Variants in SLC6A15 observed in about 807,000 individuals in gnomAD.
The protein encoded by SLC6A15 is solute carrier family 6 member 15.
SLC6A15 carries 33 observed loss-of-function variants against 68.5 expected under a neutral mutation model. That is an observed-to-expected ratio of 0.48 (90% CI 0.37 to 0.64). The LOEUF (loss-of-function observed/expected upper bound fraction) is 0.64. Ranked by LOEUF, SLC6A15 falls within the 30% of genes least tolerant of loss-of-function variation. The pLI is 0.00. For synonymous variants in SLC6A15, 347 were observed against 301.0 expected (o/e 1.15, Z -1.58); for missense variants, 747 against 874.3 (o/e 0.85, Z 1.84).
chr12:84,893,293 G>C (rs1872500908), intron 1 of SLC6A15, among the ~76,000 whole-genome samples: 1 of 152,138 alleles, frequency 6.6e-6, no homozygotes, highest in African/African-American at 2.4e-5. Flanking sequence ...AGCATAAATG[G>C]AGTGAGGTCA....
intron 3 of SLC6A15, 55 bp downstream of exon 3, chr12:84,885,856 A>T: frequency 5.4e-6 from 8 of 1,475,194 alleles, no homozygotes; most frequent in African/African-American, 1.4e-5. Context: ...AATGTTAATT[A>T]TATAATTTGA....
chr12:84,862,126 A>T, intron 11 of SLC6A15, 120 bp from the exon 12 acceptor site: 1 of 1,007,482 alleles, frequency 9.9e-7, no homozygotes, highest in Non-Finnish European at 1.4e-6. Context: ...ACTTGCTTTG[A>T]CCAATAGAAA....
intron 10 of SLC6A15, among the ~76,000 whole-genome samples, chr12:84,865,908 A>G (rs1272327907): frequency 6.6e-6 from 1 of 152,192 alleles, no homozygotes; most frequent in East Asian, 1.9e-4. Context: ...CACGTGCAGA[A>G]TTTTAAGTGG....
chr12:84,891,827 C>G lies in SLC6A15; in HGVS notation c.289+5G>C. On this transcript the variant is annotated splice_donor_5th_base_variant and intron_variant, in intron 2 of 11. Coordinates refer to ENST00000266682, the MANE Select transcript of SLC6A15 (RefSeq NM_182767.6). ...AGTAATTTATCACTTAAAAAGATTA[C>G]TTACCGCCCCCATTCTTCTGACATA... 1 of 1,607,010 alleles carries G rather than the reference C, an allele frequency of 6.2e-7. No homozygotes were observed. Among genetic ancestry groups the G allele is most frequent in the Non-Finnish European group, 8.5e-7 (1 of 1,175,788 alleles).
At chr12:84,872,388 T>G (rs1871324034) in intron 8 of SLC6A15, among the ~76,000 whole-genome samples, 1 of 152,132 alleles carries the variant, frequency 6.6e-6, no homozygotes, top group Non-Finnish European at 1.5e-5. Flanking sequence ...GAAATAACTT[T>G]TTAAAATAAA....
At chr12:84,894,240 G>A (rs563554325) in intron 1 of SLC6A15, among the ~76,000 whole-genome samples, 10 of 152,186 alleles carry the variant, frequency 6.6e-5, no homozygotes, top group African/African-American at 2.4e-4. Flanking sequence ...AAAAAATTGT[G>A]ATTTGTAAGA....
chr12:84,866,892 G>T, intron 10 of SLC6A15, 142 bp downstream of exon 10: 1 of 634,074 alleles, frequency 1.6e-6, no homozygotes, highest in Non-Finnish European at 2.5e-6. Flanking sequence ...TGTTGAATCA[G>T]TGAGAGCCTG....
chr12:84,881,415 G>A, intron 5 of SLC6A15: 18 of 979,640 alleles, frequency 1.8e-5, no homozygotes, highest in Non-Finnish European at 2.2e-5. Flanking sequence ...TCTTCTTTTG[G>A]TTTAACTATT....
At chr12:84,907,334 G>C (rs1363014248) in intron 1 of SLC6A15, among the ~76,000 whole-genome samples, 3 of 151,340 alleles carry the variant, frequency 2.0e-5, no homozygotes, top group African/African-American at 7.3e-5. Flanking sequence ...GGCCACAGAG[G>C]GAGACTCCGT....
chr12:84,876,042 T>C (rs887223361), intron 6 of SLC6A15, among the ~76,000 whole-genome samples: 7 of 151,606 alleles, frequency 4.6e-5, no homozygotes, highest in Non-Finnish European at 7.4e-5. Flanking sequence ...CCATGGATTC[T>C]AGATGATCAG....
At chr12:84,906,900 C>T (rs930940524) in intron 1 of SLC6A15, among the ~76,000 whole-genome samples, 1 of 151,318 alleles carries the variant, frequency 6.6e-6, no homozygotes, top group East Asian at 1.9e-4. Context: ...AAGCAGGATT[C>T]AGAAACACAA....
Position 84,861,627 on chromosome 12 carries a change from C to A in SLC6A15, c.*5G>T. ...CCAAATAAAACCCACTGACTTTTCCCCCAGCTACAAATCAGATTCTGGCAT... is the reference window on the plus strand; with the variant it reads ...CCAAATAAAACCCACTGACTTTTCCACCAGCTACAAATCAGATTCTGGCAT... On this transcript the variant is annotated 3_prime_UTR_variant, in exon 12 of 12. Coordinates refer to ENST00000266682, the MANE Select transcript of SLC6A15 (RefSeq NM_182767.6). The A allele has an allele frequency of 6.3e-7, 1 of 1,583,344 alleles. No individual in the cohort carries two copies. Among genetic ancestry groups the A allele is most frequent in the Non-Finnish European group, 8.6e-7 (1 of 1,161,382 alleles).
In SLC6A15 at chr12:84,892,015, T is replaced by C. The variant is rs772036971; in HGVS notation, c.106A>G (p.Thr36Ala). Residue 36 changes from threonine to alanine, a missense_variant, in exon 2 of 12, where the codon ACA becomes GCA. Transcript: ENST00000266682. ...NEDAADDAFK[T>A]SELIVDGQEE... Reference sequence around the variant, plus strand: ...TGGCCATCAACAATTAGTTCACTTGTCTTAAAAGCATCATCAGCTGCGTCT... The same window carrying C: ...TGGCCATCAACAATTAGTTCACTTGCCTTAAAAGCATCATCAGCTGCGTCT... 6 of 1,614,080 alleles carry C rather than the reference T, an allele frequency of 3.7e-6. 1 individual carries two copies. The South Asian group carries it at 6.6e-5, about 18-fold the overall frequency.
chr12:84,867,286 C>T (rs1871105102), intron 9 of SLC6A15, 93 bp from the exon 10 acceptor site: 1 of 1,061,598 alleles, frequency 9.4e-7, no homozygotes, highest in Non-Finnish European at 1.3e-6. Flanking sequence ...ACTTTTAAAA[C>T]TTTTATAACA....
At chr12:84,866,939 T>G (rs1871090728) in intron 10 of SLC6A15, 95 bp downstream of exon 10, 19 of 1,110,778 alleles carry the variant, frequency 1.7e-5, no homozygotes. Context: ...GTTCCCTCTA[T>G]TCATTTATTT....
chr12:84,885,988 T>C lies in SLC6A15; in HGVS notation c.370A>G (p.Arg124Gly). Reference protein sequence around the residue: ...LFFLELSVGQRIRRGSIGVWN... With the variant: ...LFFLELSVGQGIRRGSIGVWN... ...ACACCAATGCTGCCTCGCCGAATTCTTTGACCCACAGAGAGTTCCAAGAAA... is the reference window on the plus strand; with the variant it reads ...ACACCAATGCTGCCTCGCCGAATTCCTTGACCCACAGAGAGTTCCAAGAAA... The change falls in exon 3 of 12, where the codon AGA becomes GGA. Residue 124 changes from arginine to glycine, a missense_variant. Coordinates refer to ENST00000266682, the MANE Select transcript of SLC6A15 (RefSeq NM_182767.6). The C allele has an allele frequency of 6.2e-7, 1 of 1,613,422 alleles. No homozygotes were observed. The highest frequency in any genetic ancestry group is 8.5e-7 in the Non-Finnish European group (1 of 1,179,552).
At position 84,889,867 on chromosome 12, in the gene SLC6A15, T is replaced by C. The variant is rs140631131; in HGVS notation, c.289+1965A>G. On this transcript the variant is annotated intron_variant, in intron 2 of 11. Transcript: ENST00000266682. ...TCAAAACCTGATCTGGAAGTCTCTA[T>C]ACTATACCACCTACTTCGCCTAACC... 3.8e-4 allele frequency among the ~76,000 whole-genome samples: 58 copies of C among 152,350 alleles called. No individual in the cohort carries two copies. In the East Asian group the frequency reaches 0.01, roughly 27 times the overall value.
intron 5 of SLC6A15, among the ~76,000 whole-genome samples, chr12:84,879,136 A>G (rs1871701092): frequency 6.6e-6 from 1 of 151,920 alleles, no homozygotes; most frequent in Non-Finnish European, 1.5e-5. Context: ...AGTTGTATGC[A>G]AAAGTCACAC....
chr12:84,869,293 AT>A (rs1871188295), intron 9 of SLC6A15, among the ~76,000 whole-genome samples: 1 of 151,940 alleles, frequency 6.6e-6, no homozygotes, highest in Non-Finnish European at 1.5e-5. Flanking sequence ...CCCCGTCTCT[AT>A]TAAAAAAAAT....
Sources: allele counts gnomAD v4.1 joint callset (sites outside exome capture counted in the v4.1 genomes callset), GRCh38; gene constraint gnomAD v4.1.1; transcripts MANE v1.5; gene names NCBI Gene and HGNC (gene_info 2026-07-23, HGNC 2026-07-21).